PCDH17: variants seen among roughly 807,000 people sequenced by gnomAD.
PCDH17 encodes protocadherin 17, also known as protocadherin-17.
PCDH17 carries 21 observed loss-of-function variants against 67.7 expected under a neutral mutation model. The observed-to-expected ratio is 0.31, with a 90% confidence interval of 0.22 to 0.45. PCDH17 has a LOEUF of 0.45. Ranked by LOEUF, PCDH17 falls within the 20% of genes least tolerant of loss-of-function variation. The pLI is 1.00. For synonymous variants in PCDH17, 701 were observed against 656.7 expected (o/e 1.07, Z -1.03); for missense variants, 1,471 against 1,564.8 (o/e 0.94, Z 1.01).
chr13:57,654,573 A>C (rs1955081574), intron 1 of PCDH17, among the ~76,000 whole-genome samples: 1 of 152,106 alleles, frequency 6.6e-6, no homozygotes, highest in Non-Finnish European at 1.5e-5. Flanking sequence ...TCACTAGAGG[A>C]GAAAATTCTT....
chr13:57,703,718 C>T (rs2067434120), intron 3 of PCDH17, among the ~76,000 whole-genome samples: 1 of 152,056 alleles, frequency 6.6e-6, no homozygotes, highest in African/African-American at 2.4e-5. Flanking sequence ...CTTCTAATTT[C>T]TGAGCTAGTA....
chr13:57,724,689 C>G lies in PCDH17; in HGVS notation c.2875C>G (p.Pro959Ala). ...TGACAGGTGCTGGATGCCACAGTTCCCTGCAGCCAATCAGGCTGAAAATGC... is the reference window on the plus strand; with the variant it reads ...TGACAGGTGCTGGATGCCACAGTTCGCTGCAGCCAATCAGGCTGAAAATGC... ...HSDRCWMPQF[P>A]AANQAENADY... The change falls in exon 4 of 4, where the codon CCT (proline) becomes GCT (alanine). Residue 959 changes from proline to alanine, a missense_variant. Pro to Ala is a conservative substitution (Grantham distance 27, BLOSUM62 -1). Around this residue, in one of 3 missense-constraint regions of PCDH17, gnomAD observed 297 missense variants for 298.6 expected, o/e 0.99. Transcript: ENST00000377918. 2 of 1,613,934 alleles carry G rather than the reference C, an allele frequency of 1.2e-6. No homozygotes were observed. Among genetic ancestry groups the G allele is most frequent in the Non-Finnish European group, 1.7e-6 (2 of 1,179,868 alleles).
chr13:57,676,856 C>G (rs1030635733), intron 3 of PCDH17, among the ~76,000 whole-genome samples: 1 of 151,774 alleles, frequency 6.6e-6, no homozygotes. Context: ...ATAAAATATA[C>G]TGAGCTGGTT....
At position 57,702,023 on chromosome 13, in the gene PCDH17, T is replaced by C. The variant is rs143329465; in HGVS notation, c.2798-22589T>C. The stretch of plus-strand genomic sequence containing the variant: ...ACCTCTGTCTCCCAGGTTCAAGCGA[T>C]TCTTCTGCTTCAGTCTCCCGAGTAG... On this transcript the variant is annotated intron_variant, in intron 3 of 3. Coordinates refer to ENST00000377918, the MANE Select transcript of PCDH17 (RefSeq NM_001040429.3). Among the ~76,000 whole-genome samples the C allele has an allele frequency of 2.1e-3, 312 of 152,112 alleles. 2 individuals are homozygous for C. The highest frequency in any genetic ancestry group is 6.7e-3 in the African/African-American group (280 of 41,500).
intron 1 of PCDH17, among the ~76,000 whole-genome samples, chr13:57,652,275 A>T (rs1329777569): frequency 9.9e-6 from 1 of 100,796 alleles, no homozygotes; most frequent in Non-Finnish European, 1.9e-5. Flanking sequence ...ACAGAGCGAG[A>T]CTCCGTCTCA....
chr13:57,647,859 T>C (rs1793401889), intron 1 of PCDH17, among the ~76,000 whole-genome samples: 1 of 151,908 alleles, frequency 6.6e-6, no homozygotes, highest in South Asian at 2.1e-4. Context: ...TCCTGAAGAA[T>C]AGAATGCTAA....
Position 57,679,599 on chromosome 13 carries a change from C to T in PCDH17, c.2797+12766C>T, listed in dbSNP as rs138052546. The stretch of plus-strand genomic sequence containing the variant: ...ATATATTTCATGGAAATTGATTTGT[C>T]TGCCCTAGATTTTATTTTCTTTGAG... On this transcript the variant is annotated intron_variant, in intron 3 of 3. Coordinates refer to ENST00000377918, the MANE Select transcript of PCDH17 (RefSeq NM_001040429.3). Among the ~76,000 whole-genome samples the T allele has an allele frequency of 5.3e-4, 81 of 151,478 alleles. 1 individual carries two copies. The East Asian group carries it at 0.013, about 24-fold the overall frequency.
chr13:57,699,452 C>A (rs1253881841), intron 3 of PCDH17, among the ~76,000 whole-genome samples: 2 of 152,022 alleles, frequency 1.3e-5, no homozygotes, highest in Non-Finnish European at 2.9e-5. Context: ...CATTACGTTT[C>A]TCTCTCTTGT....
chr13:57,694,897 G>A (rs1286715586), intron 3 of PCDH17, among the ~76,000 whole-genome samples: 1 of 151,240 alleles, frequency 6.6e-6, no homozygotes, highest in Admixed American at 6.6e-5. Flanking sequence ...GGCAACTCCT[G>A]TGTGTCCAAA....
At chr13:57,668,056 C>T (rs1955277535) in intron 3 of PCDH17, among the ~76,000 whole-genome samples, 1 of 151,548 alleles carries the variant, frequency 6.6e-6, no homozygotes, top group African/African-American at 2.4e-5. Flanking sequence ...TTTACCATAG[C>T]AACTTTCTGT....
intron 3 of PCDH17, among the ~76,000 whole-genome samples, chr13:57,675,699 C>T (rs901936251): frequency 4.0e-5 from 6 of 151,796 alleles, no homozygotes; most frequent in Non-Finnish European, 5.9e-5. Context: ...AGATGAGTAG[C>T]GATGTGTGAG....
intron 3 of PCDH17, among the ~76,000 whole-genome samples, chr13:57,711,776 A>G (rs935386276): frequency 9.7e-5 from 13 of 133,444 alleles, no homozygotes; most frequent in Admixed American, 8.8e-4. Flanking sequence ...AATAATCAGA[A>G]TAATAATATT....
At chr13:57,696,498 A>C (rs1955609782) in intron 3 of PCDH17, among the ~76,000 whole-genome samples, 1 of 151,472 alleles carries the variant, frequency 6.6e-6, no homozygotes, top group African/African-American at 2.4e-5. Flanking sequence ...TCATTTTAAT[A>C]AAGGAAAATA....
intron 1 of PCDH17, among the ~76,000 whole-genome samples, chr13:57,666,008 C>G (rs1955248690): frequency 6.6e-6 from 1 of 152,096 alleles, no homozygotes; most frequent in Non-Finnish European, 1.5e-5. Context: ...CCCTGCATCT[C>G]TTAATTGAGG....
chr13:57,660,004 G>A (rs1955163125), intron 1 of PCDH17, among the ~76,000 whole-genome samples: 1 of 152,182 alleles, frequency 6.6e-6, no homozygotes, highest in Non-Finnish European at 1.5e-5. Context: ...AGGCCGAGTC[G>A]GGTGGATCCT....
intron 3 of PCDH17, among the ~76,000 whole-genome samples, chr13:57,688,397 T>C (rs1045281760): frequency 6.6e-6 from 1 of 152,016 alleles, no homozygotes; most frequent in Non-Finnish European, 1.5e-5. Context: ...TGGTACTAAT[T>C]GACACATTGA....
chr13:57,690,088 C>G (rs1225247361), intron 3 of PCDH17, among the ~76,000 whole-genome samples: 2 of 151,588 alleles, frequency 1.3e-5, no homozygotes, highest in Non-Finnish European at 3.0e-5. Context: ...AGAATCTTCA[C>G]ATAACCAGGC....
chr13:57,633,649 G>A lies in PCDH17; in HGVS notation c.1103G>A (p.Gly368Asp), dbSNP rs763118003. Residue 368 changes from glycine to aspartate, a missense_variant, in exon 1 of 4, where the codon GGC (glycine) becomes GAC (aspartate). By Grantham distance (94) the Gly-to-Asp change is moderately conservative (BLOSUM62 -1). This residue lies in a region of PCDH17 where 1,163 missense variants were observed against 1,230.0 expected (regional missense o/e 0.95). Transcript: ENST00000377918. The surrounding 1 kb of genome is among the most constrained non-coding windows in gnomAD (Gnocchi z 6.2). ...GCGCTGAGCGAGGCCGCCCCTCCCG[G>A]CACCGTCATCGCCCTGGTGCGGGTC... ...QGALSEAAPP[G>D]TVIALVRVTD... The A allele has an allele frequency of 6.2e-7, 1 of 1,608,058 alleles. No homozygotes were observed. Among genetic ancestry groups the A allele is most frequent in the Non-Finnish European group, 8.5e-7 (1 of 1,179,996 alleles).
intron 3 of PCDH17, among the ~76,000 whole-genome samples, chr13:57,669,972 A>G (rs546262833): frequency 6.6e-6 from 1 of 152,180 alleles, no homozygotes; most frequent in African/African-American, 2.4e-5. Flanking sequence ...ATATTACCCT[A>G]TTTAATTCTC....
Sources: gnomAD v4.1 joint callset for allele counts (sites outside exome capture counted in the v4.1 genomes callset) on GRCh38, gnomAD v4.1.1 for gene constraint, gnomAD v4.1.1 regional missense constraint, Gnocchi (gnomAD v3.1) non-coding constraint, MANE v1.5 for transcripts, NCBI Gene and HGNC (gene_info 2026-07-23, HGNC 2026-07-21) for gene names.